The following IL6ST variants were observed in gnomAD, a reference collection of about 807,000 sequenced individuals.
IL6ST encodes the protein interleukin-6 receptor subunit beta.
A neutral mutation model predicts 91.3 loss-of-function variants in IL6ST; 24 were observed. The observed-to-expected ratio is 0.26, with a 90% confidence interval of 0.19 to 0.37. The LOEUF (loss-of-function observed/expected upper bound fraction) is 0.37. Ranked by LOEUF, IL6ST falls within the 10% of genes least tolerant of loss-of-function variation. IL6ST has a pLI of 1.00. For missense variants in IL6ST, 914 were observed against 1,078.5 expected, an observed-to-expected ratio of 0.85 and a Z score of 2.14; for synonymous variants, 351 against 373.6, an observed-to-expected ratio of 0.94 and a Z score of 0.70.
At chr5:55,946,609 G>A (rs1020659552) in intron 15 of IL6ST, among the ~76,000 whole-genome samples, 2 of 152,130 alleles carry the variant, frequency 1.3e-5, no homozygotes, top group African/African-American at 4.8e-5. Context: ...TTGAGGTCCG[G>A]AGTTCGAGAC....
intron 8 of IL6ST, among the ~76,000 whole-genome samples, chr5:55,958,144 T>C (rs934320583): frequency 7.9e-5 from 12 of 152,178 alleles, no homozygotes; most frequent in Admixed American, 5.9e-4. Flanking sequence ...TCTCGCTCTG[T>C]TGCCCAGGCT....
chr5:55,976,189 A>T, intron 3 of IL6ST, 26 bp downstream of exon 3: 1 of 1,290,892 alleles, frequency 7.7e-7, no homozygotes, highest in South Asian at 1.6e-5. Flanking sequence ...GTGAAGTTAG[A>T]AGATAGGGTA....
At chr5:55,986,082 A>C (rs1753949288) in intron 1 of IL6ST, among the ~76,000 whole-genome samples, 1 of 152,248 alleles carries the variant, frequency 6.6e-6, no homozygotes, top group Non-Finnish European at 1.5e-5. Context: ...GTGCACTTAA[A>C]AAGCACTGCT....
chr5:55,985,255 C>T (rs1364064489), intron 1 of IL6ST, among the ~76,000 whole-genome samples: 2 of 152,122 alleles, frequency 1.3e-5, no homozygotes, highest in South Asian at 2.1e-4. Context: ...GTAGCTCACA[C>T]TTGTAATCCC....
chr5:55,980,560 T>C (rs1464153974), intron 2 of IL6ST, among the ~76,000 whole-genome samples: 1 of 151,914 alleles, frequency 6.6e-6, no homozygotes, highest in East Asian at 1.9e-4. Context: ...AAAAAATAAA[T>C]AAAATAAATA....
intron 7 of IL6ST, among the ~76,000 whole-genome samples, chr5:55,963,091 GAAAA>G (rs74270750): frequency 1.7e-5 from 2 of 117,558 alleles, no homozygotes; most frequent in East Asian, 4.8e-4. Context: ...GTCTCTAGAA[GAAAA>G]AAAAAAAAAA....
At chr5:55,951,700 A>C in intron 13 of IL6ST, 96 bp from the exon 14 acceptor site, 2 of 1,243,776 alleles carry the variant, frequency 1.6e-6, no homozygotes, top group South Asian at 1.5e-5. Flanking sequence ...AAAGAAGCGA[A>C]GTATTTTTGT....
At chr5:55,965,390 C>A (rs918593806) in intron 5 of IL6ST, among the ~76,000 whole-genome samples, 3 of 151,980 alleles carry the variant, frequency 2.0e-5, no homozygotes, top group African/African-American at 7.3e-5. Flanking sequence ...AAACCTATAG[C>A]CCTAATTTTA....
intron 11 of IL6ST, 125 bp downstream of exon 11, chr5:55,954,685 G>T: frequency 1.6e-6 from 1 of 634,488 alleles, no homozygotes; most frequent in Middle Eastern, 2.7e-4. Flanking sequence ...CACACATCTA[G>T]TAAGTAGTGA....
chr5:55,971,960 G>T (rs1752991333), intron 3 of IL6ST, among the ~76,000 whole-genome samples: 1 of 152,076 alleles, frequency 6.6e-6, no homozygotes, highest in South Asian at 2.1e-4. Context: ...GTAAATCTTA[G>T]TGCATATATT....
intron 7 of IL6ST, 44 bp downstream of exon 7, chr5:55,963,308 G>A (rs1752436885): frequency 1.5e-6 from 2 of 1,369,648 alleles, no homozygotes; most frequent in Non-Finnish European, 2.0e-6. Context: ...AGATTAGAGG[G>A]TTGAAAGAAG....
At chr5:55,980,763 A>C (rs1356614495) in intron 2 of IL6ST, among the ~76,000 whole-genome samples, 1 of 152,094 alleles carries the variant, frequency 6.6e-6, no homozygotes, top group Non-Finnish European at 1.5e-5. Flanking sequence ...AAAACTATTA[A>C]CTCTTCTTGA....
At chr5:55,954,448 C>T (rs763239717) in intron 11 of IL6ST, among the ~76,000 whole-genome samples, 4 of 152,168 alleles carry the variant, frequency 2.6e-5, no homozygotes, top group Non-Finnish European at 5.9e-5. Flanking sequence ...CACAAGTCAT[C>T]CAGATGCTCT....
chr5:55,970,914 A>AAAAC (rs922613652), intron 3 of IL6ST, among the ~76,000 whole-genome samples: 2 of 152,106 alleles, frequency 1.3e-5, no homozygotes, highest in African/African-American at 4.8e-5. Context: ...AAAACAAAAC[A>AAAAC]AAACAAAACA....
intron 4 of IL6ST, 82 bp downstream of exon 4, chr5:55,969,468 T>G: frequency 1.1e-6 from 1 of 950,504 alleles, no homozygotes; most frequent in Admixed American, 2.6e-5. Flanking sequence ...GTTACTACAT[T>G]TTATAAAGAT....
At position 55,935,101 on chromosome 5, in the gene IL6ST, T is replaced by A. The variant is rs75976988; in HGVS notation, c.*5981A>T. 5.9e-6 allele frequency: 1 copy of A among 170,222 alleles called. No individual in the cohort carries two copies. Among genetic ancestry groups the A allele is most frequent in the Non-Finnish European group, 1.3e-5 (1 of 78,930 alleles). 10.5% of individuals were successfully genotyped at this position (170,222 alleles called of 1,614,324 possible). On this transcript the variant is annotated 3_prime_UTR_variant, in exon 17 of 17. Transcript: ENST00000381298. ...GAAATACTTTACCTGAGGGTTTTGGTTTTTTTTTGGCTTTTATTTTTGTGT... is the reference window on the plus strand; with the variant it reads ...GAAATACTTTACCTGAGGGTTTTGGATTTTTTTTGGCTTTTATTTTTGTGT...
At chr5:55,946,341 C>T (rs1478407651) in intron 15 of IL6ST, among the ~76,000 whole-genome samples, 1 of 152,334 alleles carries the variant, frequency 6.6e-6, no homozygotes, top group South Asian at 2.1e-4. Flanking sequence ...TATGACCCAG[C>T]ACTCTCACTC....
At position 55,954,946 on chromosome 5, in the gene IL6ST, C is replaced by T. The variant is rs1193241552; in HGVS notation, c.1314G>A (p.Met438Ile). The stretch of plus-strand genomic sequence containing the variant: ...TTGGAGTAGTCCATTCCACCCAAAG[C>T]ATGTTATCTTTGGGGAATGCTTTAA... Reference protein sequence around the residue: ...MDLKAFPKDNMLWVEWTTPRE... With the variant: ...MDLKAFPKDNILWVEWTTPRE... Residue 438 changes from methionine (M) to isoleucine (I), a missense_variant, in exon 11 of 17, where the codon ATG becomes ATA. By Grantham distance (10) the Met-to-Ile change is conservative (BLOSUM62 1). Transcript: ENST00000381298. 4 of 1,611,540 alleles carry T rather than the reference C, an allele frequency of 2.5e-6. No individual in the cohort carries two copies. In the Admixed American group the frequency reaches 6.7e-5, roughly 27 times the overall value.
chr5:55,967,784 TAC>T (rs1752723272), intron 5 of IL6ST, among the ~76,000 whole-genome samples: 1 of 152,130 alleles, frequency 6.6e-6, no homozygotes, highest in Admixed American at 6.5e-5. Context: ...CTATTCTTTC[TAC>T]TTTTATTTTT....
Sources: gnomAD v4.1 joint callset for allele counts (sites outside exome capture counted in the v4.1 genomes callset) on GRCh38, gnomAD v4.1.1 for gene constraint, MANE v1.5 for transcripts, NCBI Gene and HGNC (gene_info 2026-07-23, HGNC 2026-07-21) for gene names.